Variants in BMPR1A observed in about 807,000 individuals in gnomAD.
BMPR1A encodes the protein bone morphogenetic protein receptor type 1A.
In BMPR1A, 7 loss-of-function variants were observed where a neutral mutation model predicts 66.0. The ratio of observed to expected loss-of-function variants is 0.11; its 90% CI spans 0.06 to 0.20. The LOEUF is 0.20. Ranked by LOEUF, BMPR1A falls within the 10% of genes least tolerant of loss-of-function variation. BMPR1A has a pLI of 1.00. For synonymous variants in BMPR1A, 200 were observed against 229.7 expected (o/e 0.87, Z 1.17); for missense variants, 408 against 669.1 (o/e 0.61, Z 4.31).
At chr10:86,767,379 C>A (rs1049024988) in intron 1 of BMPR1A, among the ~76,000 whole-genome samples, 1 of 152,116 alleles carries the variant, frequency 6.6e-6, no homozygotes, top group African/African-American at 2.4e-5. Context: ...GAATATGCTA[C>A]TGCAACATAA....
At chr10:86,828,869 T>G (rs11202213) in intron 1 of BMPR1A, among the ~76,000 whole-genome samples, 1,728 of 152,296 alleles carry the variant, frequency 0.011, 31 homozygotes, top group South Asian at 0.079. Flanking sequence ...ATCAAAAAAT[T>G]TAAATGTCTT....
chr10:86,892,088 A>G lies in BMPR1A; in HGVS notation c.231-39A>G, dbSNP rs746810642. On this transcript the variant is annotated intron_variant, in intron 4 of 12. Coordinates refer to ENST00000372037, the MANE Select transcript of BMPR1A (RefSeq NM_004329.3). ...AAATTTCGTTAGTACTTTCTATGTG[A>G]ATTTATGTTTTGTTTTGTTTTGTTT... is the stretch of plus-strand genomic sequence containing the variant. 152 of 1,531,674 alleles carry G rather than the reference A, an allele frequency of 9.9e-5. 1 individual carries two copies. The highest frequency in any genetic ancestry group is 1.3e-4 in the Non-Finnish European group (144 of 1,109,198). The allele number at this position is 1,531,674 out of a possible 1,614,324, so 94.9% of individuals were successfully genotyped here. A position where few individuals can be genotyped will look rare whatever the true frequency, so the allele number is the denominator to read the frequency against.
intron 5 of BMPR1A, among the ~76,000 whole-genome samples, chr10:86,895,797 G>A (rs1843216167): frequency 6.6e-6 from 1 of 152,136 alleles, no homozygotes; most frequent in African/African-American, 2.4e-5. Context: ...GGAGGCCGAG[G>A]CGGGCAGATC....
intron 10 of BMPR1A, among the ~76,000 whole-genome samples, chr10:86,920,506 C>G (rs1843646430): frequency 6.6e-6 from 1 of 152,124 alleles, no homozygotes; most frequent in Non-Finnish European, 1.5e-5. Context: ...TATAAAAGTA[C>G]CAGTCTTTAA....
intron 1 of BMPR1A, among the ~76,000 whole-genome samples, chr10:86,785,204 G>T (rs1279424041): frequency 6.6e-6 from 1 of 152,194 alleles, no homozygotes; most frequent in Non-Finnish European, 1.5e-5. Context: ...TCTTAAATTT[G>T]CTAAGACTTG....
chr10:86,796,883 G>A (rs1841719682), intron 1 of BMPR1A, among the ~76,000 whole-genome samples: 1 of 152,136 alleles, frequency 6.6e-6, no homozygotes, highest in East Asian at 1.9e-4. Context: ...GGTATTGGGA[G>A]TTGGTGTTGT....
rs1183420334 is a variant in BMPR1A at position 86,791,896 on chromosome 10, T to G, written c.-268+34977T>G. Among the ~76,000 whole-genome samples the G allele has an allele frequency of 2.0e-5, 3 of 147,444 alleles. No individual in the cohort carries two copies. In the East Asian group the frequency reaches 6.1e-4, roughly 30 times the overall value. On this transcript the variant is annotated intron_variant, in intron 1 of 12. Coordinates refer to ENST00000372037, the MANE Select transcript of BMPR1A (RefSeq NM_004329.3). The stretch of plus-strand genomic sequence containing the variant: ...GCCACCATGCCTGGCTTTTTTTTTT[T>G]TGCTAGAGATGGGGGTTTCACCACG...
intron 8 of BMPR1A, among the ~76,000 whole-genome samples, chr10:86,914,354 T>C (rs1843532323): frequency 6.6e-6 from 1 of 152,160 alleles, no homozygotes; most frequent in Non-Finnish European, 1.5e-5. Context: ...GGCAGACTTC[T>C]TCAGTACATA....
chr10:86,779,983 A>G (rs897121607), intron 1 of BMPR1A, among the ~76,000 whole-genome samples: 12 of 152,144 alleles, frequency 7.9e-5, no homozygotes, highest in Non-Finnish European at 1.8e-4. Flanking sequence ...CTAACTCATT[A>G]TAACCTTGAA....
chr10:86,883,774 C>CA (rs920452633), intron 3 of BMPR1A, among the ~76,000 whole-genome samples: 8 of 149,076 alleles, frequency 5.4e-5, no homozygotes, highest in South Asian at 4.3e-4. Context: ...CATTTCAAAA[C>CA]AAAAAAAACA....
At chr10:86,833,252 G>A (rs752087724) in intron 1 of BMPR1A, among the ~76,000 whole-genome samples, 5 of 152,148 alleles carry the variant, frequency 3.3e-5, no homozygotes, top group Non-Finnish European at 5.9e-5. Flanking sequence ...CCATTTTAAT[G>A]GCTGTATAGT....
intron 1 of BMPR1A, among the ~76,000 whole-genome samples, chr10:86,811,159 C>G (rs1841964812): frequency 6.6e-6 from 1 of 152,190 alleles, no homozygotes; most frequent in South Asian, 2.1e-4. Context: ...CTGCCTCAGC[C>G]TCCCGAGTAG....
At chr10:86,862,868 A>G (rs1389770965) in intron 2 of BMPR1A, among the ~76,000 whole-genome samples, 1 of 152,172 alleles carries the variant, frequency 6.6e-6, no homozygotes, top group Non-Finnish European at 1.5e-5. Context: ...GGTGGGAAAG[A>G]CTTAGGATCT....
In BMPR1A at chr10:86,870,099, C is replaced by G. The variant is rs145814404; in HGVS notation, c.-152-5768C>G. Among the ~76,000 whole-genome samples, 593 of 152,236 alleles carry G rather than the reference C, an allele frequency of 3.9e-3. 2 individuals are homozygous for G. The highest frequency in any genetic ancestry group is 7.6e-3 in the African/African-American group (314 of 41,522). Reference sequence around the variant, plus strand: ...CGCCTTTATTAATGCAGTTTTTAGACGAATGGTGTTCTGGGGCCCTCCCCT... The same window carrying G: ...CGCCTTTATTAATGCAGTTTTTAGAGGAATGGTGTTCTGGGGCCCTCCCCT... On this transcript the variant is annotated intron_variant, in intron 2 of 12. Transcript: ENST00000372037.
intron 5 of BMPR1A, among the ~76,000 whole-genome samples, chr10:86,896,370 T>C (rs1042189364): frequency 1.3e-5 from 2 of 152,160 alleles, no homozygotes; most frequent in Admixed American, 1.3e-4. Flanking sequence ...ATATATATTG[T>C]TTTGATCAAT....
At chr10:86,818,490 G>C (rs1212344491) in intron 1 of BMPR1A, among the ~76,000 whole-genome samples, 2 of 152,192 alleles carry the variant, frequency 1.3e-5, no homozygotes, top group African/African-American at 4.8e-5. Context: ...GAGGCTTTCA[G>C]ATTGCTTTTG....
intron 2 of BMPR1A, among the ~76,000 whole-genome samples, chr10:86,861,662 G>C (rs1842715598): frequency 6.6e-6 from 1 of 152,288 alleles, no homozygotes; most frequent in East Asian, 1.9e-4. Flanking sequence ...CCAAGCCATT[G>C]TTTGCCTTAA....
intron 10 of BMPR1A, among the ~76,000 whole-genome samples, chr10:86,919,844 A>C (rs140046350): frequency 1.3e-5 from 2 of 152,024 alleles, no homozygotes; most frequent in Non-Finnish European, 2.9e-5. Context: ...AGTAGCTGGG[A>C]CTACAGGCAT....
rs1163006358 is a variant in BMPR1A at position 86,925,719 on chromosome 10, A to ATG, written c.*2001_*2002insGT. The ATG allele has an allele frequency of 8.1e-5, 10 of 123,492 alleles. No individual in the cohort carries two copies. Among genetic ancestry groups the ATG allele is most frequent in the Non-Finnish European group, 1.0e-4 (7 of 69,526 alleles). 7.6% of individuals were successfully genotyped at this position (123,492 alleles called of 1,614,324 possible). On this transcript the variant is annotated 3_prime_UTR_variant, in exon 13 of 13. Transcript: ENST00000372037. ...ACCATAATCTTTAAAATCATTTGTC[A>ATG]TCTTTTTTTTTTTTTTTTTGAGACG...
Sources: allele counts gnomAD v4.1 joint callset (sites outside exome capture counted in the v4.1 genomes callset), GRCh38; gene constraint gnomAD v4.1.1; transcripts MANE v1.5; gene names NCBI Gene and HGNC (gene_info 2026-07-23, HGNC 2026-07-21).